WIPI2: variants seen among roughly 807,000 people sequenced by gnomAD.
WIPI2 encodes WD repeat domain phosphoinositide-interacting protein 2.
Under a neutral mutation model 52.3 loss-of-function variants are expected in WIPI2, and 28 were observed. That is an observed-to-expected ratio of 0.54 (90% CI 0.40 to 0.73). The LOEUF is 0.73. Ranked by LOEUF, WIPI2 falls within the 30% of genes least tolerant of loss-of-function variation. The pLI, the probability that WIPI2 is intolerant of heterozygous loss-of-function variation, is 0.00. For missense variants in WIPI2, 506 were observed against 602.9 expected, an observed-to-expected ratio of 0.84 and a Z score of 1.68; for synonymous variants, 268 against 245.0, an observed-to-expected ratio of 1.09 and a Z score of -0.88.
chr7:5,219,014 C>T (rs1782958868), intron 7 of WIPI2: 1 of 152,186 alleles, frequency 6.6e-6, no homozygotes, highest in Admixed American at 6.5e-5. Flanking sequence ...TACAATAAAA[C>T]GTCGGCTCAC....
chr7:5,228,130 TG>T lies in WIPI2; in HGVS notation c.1043del (p.Gly348ValfsTer22), dbSNP rs762050413. 1 of 1,613,988 alleles carries T rather than the reference TG, an allele frequency of 6.2e-7. No individual in the cohort carries two copies. The highest frequency in any genetic ancestry group is 8.5e-7 in the Non-Finnish European group (1 of 1,180,014). On this transcript the variant is annotated frameshift_variant, in exon 11 of 13. Transcript: ENST00000288828. LOFTEE classifies it high-confidence loss of function. ...ATIQKIPRLL[V>X]GAADGYLYMY... is the part of the protein sequence containing the mutation. ...ATTCAGAAGATCCCGCGGTTGTTGG[TG>T]GGTGCCGCCGACGGGTACCTGTACA...
intron 6 of WIPI2, 33 bp downstream of exon 6, chr7:5,217,220 A>T: frequency 6.2e-7 from 1 of 1,610,948 alleles, no homozygotes; most frequent in Non-Finnish European, 8.5e-7. Context: ...ATAGCTCTCT[A>T]AAGTGTGGCT....
chr7:5,232,185 C>T lies in WIPI2; in HGVS notation c.*1238C>T, dbSNP rs191048788. On this transcript the variant is annotated 3_prime_UTR_variant, in exon 13 of 13. Transcript: ENST00000288828. ...AGAATCTATGGAGTGGTGGAAGTTA[C>T]GGATAGAAGGGAAAAGGCAAAAACT... The T allele has an allele frequency of 1.1e-3, 450 of 398,758 alleles. 1 individual carries two copies. Among genetic ancestry groups the T allele is most frequent in the African/African-American group, 7.2e-3 (351 of 48,736 alleles). 24.7% of individuals were successfully genotyped at this position (398,758 alleles called of 1,614,324 possible).
chr7:5,224,916 C>A (rs1456134155), intron 8 of WIPI2, among the ~76,000 whole-genome samples: 2 of 152,178 alleles, frequency 1.3e-5, no homozygotes, highest in African/African-American at 2.4e-5. Context: ...TCCCTGACCC[C>A]ACCCCCATCG....
intron 1 of WIPI2, among the ~76,000 whole-genome samples, chr7:5,192,850 T>G (rs1418774946): frequency 6.6e-6 from 1 of 152,234 alleles, no homozygotes. Context: ...AATGACCGTC[T>G]AGAACTCACA....
intron 6 of WIPI2, 157 bp downstream of exon 6, chr7:5,217,344 G>A (rs1240065491): frequency 1.3e-5 from 10 of 772,678 alleles, no homozygotes; most frequent in South Asian, 4.8e-5. Flanking sequence ...TGGCTCTGTC[G>A]CCCATGCTGG....
Position 5,190,273 on chromosome 7 carries a change from G to A in WIPI2, c.-147G>A. The stretch of plus-strand genomic sequence containing the variant: ...GCTCTGGAGCATAAACAAGAGCGGG[G>A]ACGGGATGAGGCGGCGGTTGATCCC... On this transcript the variant is annotated 5_prime_UTR_variant, in exon 1 of 13. Coordinates refer to ENST00000288828, the MANE Select transcript of WIPI2 (RefSeq NM_015610.4). The A allele has an allele frequency of 2.5e-6, 1 of 392,988 alleles. No individual in the cohort carries two copies. Among genetic ancestry groups the A allele is most frequent in the Non-Finnish European group, 4.1e-6 (1 of 244,824 alleles). The allele number at this position is 392,988 out of a possible 1,614,324, so 24.3% of individuals were successfully genotyped here. A position where few individuals can be genotyped will look rare whatever the true frequency, so the allele number is the denominator to read the frequency against.
Position 5,216,595 on chromosome 7 carries a change from C to T in WIPI2, c.414C>T (p.Tyr138=). ...TAGTATGCCTGGAGGAGTCCCTGTA[C>T]ATCCACAACATTCGGGACATGAAGG... is the stretch of plus-strand genomic sequence containing the variant. The part of the protein sequence containing the change: ...RLIVCLEESL[Y]IHNIRDMKVL... The change falls in exon 5 of 13, where the codon TAC becomes TAT. Residue 138 remains tyrosine (Y), a synonymous_variant. Transcript: ENST00000288828. 6.2e-7 allele frequency: 1 copy of T among 1,614,184 alleles called. No individual in the cohort carries two copies. Among genetic ancestry groups the T allele is most frequent in the South Asian group, 1.1e-5 (1 of 91,084 alleles).
At chr7:5,225,179 C>T (rs1429188771) in intron 8 of WIPI2, among the ~76,000 whole-genome samples, 1 of 151,398 alleles carries the variant, frequency 6.6e-6, no homozygotes, top group Admixed American at 6.6e-5. Context: ...CTCACTCTGT[C>T]GCCCAGGCTG....
intron 7 of WIPI2, among the ~76,000 whole-genome samples, chr7:5,221,840 C>T (rs550546875): frequency 6.1e-4 from 93 of 152,300 alleles, no homozygotes; most frequent in African/African-American, 2.1e-3. Flanking sequence ...AGCTAATCGG[C>T]TCTCTGGATC....
Position 5,227,105 on chromosome 7 carries a change from CGTCT to C in WIPI2, c.849-72_849-69del. ...TTTTGCTGTCGGCTCCAGAGCTGTG[CGTCT>C]GTGTGAGTAGGGGGTGGCCGTCCCC... On this transcript the variant is annotated intron_variant, in intron 9 of 12. Transcript: ENST00000288828. The surrounding 1 kb of genome is among the most constrained non-coding windows in gnomAD (Gnocchi z 8.1). The C allele has an allele frequency of 6.4e-7, 1 of 1,572,808 alleles. No individual in the cohort carries two copies. Among genetic ancestry groups the C allele is most frequent in the Non-Finnish European group, 8.7e-7 (1 of 1,153,960 alleles).
intron 3 of WIPI2, among the ~76,000 whole-genome samples, chr7:5,205,881 T>C (rs549456289): frequency 4.0e-4 from 17 of 42,280 alleles, no homozygotes; most frequent in African/African-American, 1.3e-3. Flanking sequence ...GTGCTGCCAC[T>C]GTTTTTTTTT....
chr7:5,209,080 T>C (rs1419306950), intron 3 of WIPI2, among the ~76,000 whole-genome samples: 1 of 150,880 alleles, frequency 6.6e-6, no homozygotes, highest in Non-Finnish European at 1.5e-5. Flanking sequence ...CCTAATACTT[T>C]GGATTTTGAC....
chr7:5,229,641 C>A lies in WIPI2; in HGVS notation c.1155C>A (p.Ile385=), dbSNP rs758421814. The A allele has an allele frequency of 6.2e-7, 1 of 1,613,898 alleles. No individual in the cohort carries two copies. Among genetic ancestry groups the A allele is most frequent in the South Asian group, 1.1e-5 (1 of 91,034 alleles). The change falls in exon 12 of 13, where the codon ATC becomes ATA. Residue 385 remains isoleucine, a synonymous_variant. Transcript: ENST00000288828. The stretch of plus-strand genomic sequence containing the variant: ...GCAGTCTGGAAACGACCAATGAGAT[C>A]TTGGACTCTGCCTCTCACGACTGCC... The part of the protein sequence containing the change: ...LDGSLETTNE[I]LDSASHDCPL...
chr7:5,217,764 T>G, intron 6 of WIPI2, 158 bp from the exon 7 acceptor site: 1 of 709,484 alleles, frequency 1.4e-6, no homozygotes, highest in Non-Finnish European at 2.5e-6. Context: ...AGCATTTCCT[T>G]GGATGCCCAG....
intron 3 of WIPI2, among the ~76,000 whole-genome samples, chr7:5,212,298 A>G (rs1381973100): frequency 1.3e-5 from 2 of 152,100 alleles, no homozygotes; most frequent in African/African-American, 2.4e-5. Flanking sequence ...CTCAGTGGTA[A>G]GCGCGGTGAC....
At position 5,199,618 on chromosome 7, in the gene WIPI2, C is replaced by T; in HGVS notation, c.171C>T (p.Ser57=). The change falls in exon 3 of 13, where the codon TCC becomes TCT. Residue 57 remains serine (S), a synonymous_variant. Transcript: ENST00000288828. ...GTAAGTCCGGTTATAAATTTTTCTC[C>T]CTTTCTTCTGTGGATAAGCTGGAAC... ...VGSKSGYKFF[S]LSSVDKLEQI... is the part of the protein sequence containing the mutation. 6.2e-7 allele frequency: 1 copy of T among 1,613,336 alleles called. No homozygotes were observed. Among genetic ancestry groups the T allele is most frequent in the Admixed American group, 1.7e-5 (1 of 59,870 alleles).
chr7:5,190,603 G>T, intron 1 of WIPI2, 110 bp downstream of exon 1: 7 of 1,143,376 alleles, frequency 6.1e-6, no homozygotes, highest in Non-Finnish European at 6.8e-6. Context: ...GCCTCCCCGC[G>T]GGCCAAGGCG....
intron 2 of WIPI2, among the ~76,000 whole-genome samples, chr7:5,197,165 T>TAGCACTA (rs1781797902): frequency 1.4e-5 from 2 of 144,966 alleles, no homozygotes; most frequent in Admixed American, 1.4e-4. Flanking sequence ...TAAATAAACT[T>TAGCACTA]AGCACTACAG....
Sources: allele counts gnomAD v4.1 joint callset (sites outside exome capture counted in the v4.1 genomes callset), GRCh38; gene constraint gnomAD v4.1.1; non-coding constraint Gnocchi (gnomAD v3.1); transcripts MANE v1.5; gene names NCBI Gene and HGNC (gene_info 2026-07-23, HGNC 2026-07-21).